VPS13B: variants seen among roughly 807,000 people sequenced by gnomAD.
VPS13B encodes intermembrane lipid transfer protein VPS13B.
A neutral mutation model predicts 426.4 loss-of-function variants in VPS13B; 285 were observed. The ratio of observed to expected loss-of-function variants is 0.67; its 90% CI spans 0.61 to 0.74. The LOEUF (loss-of-function observed/expected upper bound fraction) is 0.74. VPS13B is among the 30% of genes least tolerant of loss of function. VPS13B has a pLI of 0.00. For missense variants in VPS13B, 4,537 were observed against 4,782.6 expected, an observed-to-expected ratio of 0.95 and a Z score of 1.51; for synonymous variants, 1,676 against 1,676.4, an observed-to-expected ratio of 1.00 and a Z score of 0.01.
intron 39 of VPS13B, among the ~76,000 whole-genome samples, chr8:99,746,712 G>A (rs1810106093): frequency 6.6e-6 from 1 of 152,084 alleles, no homozygotes; most frequent in South Asian, 2.1e-4. Context: ...AATTAACCTG[G>A]AAAATATTAA....
chr8:99,624,219 A>T (rs1014070146), intron 33 of VPS13B, among the ~76,000 whole-genome samples: 7 of 151,828 alleles, frequency 4.6e-5, no homozygotes, highest in Non-Finnish European at 1.5e-5. Flanking sequence ...GGTTTAAAGT[A>T]CCATTTTTTC....
rs896548846 is a variant in VPS13B, at chr8:99,418,510, T to G, written c.3083-13027T>G. Among the ~76,000 whole-genome samples, 331 of 142,678 alleles carry G rather than the reference T, an allele frequency of 2.3e-3. 3 individuals carry two copies. Among genetic ancestry groups the G allele is most frequent in the African/African-American group, 8.2e-3 (314 of 38,230 alleles). 93.6% of individuals were successfully genotyped at this position (142,678 alleles called of 152,430 possible). ...TTCTTTCTTTCTTTCTTTCTTTCTT[T>G]CTTTCCTTTCTTTCTTTCTCTTTCT... is the stretch of plus-strand genomic sequence containing the variant. On this transcript the variant is annotated intron_variant, in intron 21 of 61. Transcript: ENST00000357162.
chr8:99,860,054 T>C (rs1432669259), intron 57 of VPS13B, among the ~76,000 whole-genome samples: 1 of 152,166 alleles, frequency 6.6e-6, no homozygotes, highest in East Asian at 1.9e-4. Flanking sequence ...CTTGATGTTA[T>C]TTTGGTCAGG....
intron 17 of VPS13B, among the ~76,000 whole-genome samples, chr8:99,214,863 T>C (rs1198167695): frequency 6.6e-6 from 1 of 152,162 alleles, no homozygotes; most frequent in African/African-American, 2.4e-5. Context: ...AAAACTTAAA[T>C]ATGGACCTAT....
intron 19 of VPS13B, among the ~76,000 whole-genome samples, chr8:99,283,989 A>C (rs1222008712): frequency 6.6e-6 from 1 of 152,196 alleles, no homozygotes; most frequent in East Asian, 1.9e-4. Context: ...ACATACACAC[A>C]CAAGACGAAA....
At chr8:99,635,900 A>G (rs1364156147) in intron 33 of VPS13B, among the ~76,000 whole-genome samples, 2 of 152,098 alleles carry the variant, frequency 1.3e-5, no homozygotes, top group Admixed American at 1.3e-4. Context: ...CCTCTTAACC[A>G]AACTCCAGAG....
At chr8:99,594,016 G>A (rs951170930) in intron 33 of VPS13B, among the ~76,000 whole-genome samples, 39 of 151,812 alleles carry the variant, frequency 2.6e-4, no homozygotes, top group Non-Finnish European at 1.6e-4. Flanking sequence ...AAACCACCAT[G>A]GCACAGATTT....
In VPS13B at chr8:99,559,542, C is replaced by G. The variant is rs540281219; in HGVS notation, c.4949+2889C>G. ...TTCTAGGGTTTTTATGGTTTTAGGT[C>G]TAACATTTAAGTCTTTAATCCATCT... is the stretch of plus-strand genomic sequence containing the variant. On this transcript the variant is annotated intron_variant, in intron 31 of 61. Coordinates refer to ENST00000357162, the MANE Select transcript of VPS13B (RefSeq NM_152564.5). 2.2e-3 allele frequency among the ~76,000 whole-genome samples: 328 copies of G among 152,166 alleles called. 2 individuals are homozygous for G. The highest frequency in any genetic ancestry group is 2.9e-3 in the Non-Finnish European group (195 of 67,992).
intron 21 of VPS13B, among the ~76,000 whole-genome samples, chr8:99,415,764 G>C (rs545098004): frequency 6.6e-6 from 1 of 152,306 alleles, no homozygotes; most frequent in Admixed American, 6.5e-5. Context: ...AGCAAAGATT[G>C]CTGCCTGTTC....
rs972645639 is a variant in VPS13B at position 99,115,693 on chromosome 8, A to G, written c.763-7A>G. 6.2e-7 allele frequency: 1 copy of G among 1,611,764 alleles called. No individual in the cohort carries two copies. Among genetic ancestry groups the G allele is most frequent in the Non-Finnish European group, 8.5e-7 (1 of 1,179,172 alleles). ...TTTGTTGGTGTTATGTCTTTTTCAA[A>G]ATGCAGATTCATACTTTAGTGGAAA... On this transcript the variant is annotated splice_region_variant and splice_polypyrimidine_tract_variant and intron_variant, in intron 6 of 61. Coordinates refer to ENST00000357162, the MANE Select transcript of VPS13B (RefSeq NM_152564.5).
chr8:99,682,846 G>A (rs1278421070), intron 35 of VPS13B, among the ~76,000 whole-genome samples: 1 of 152,146 alleles, frequency 6.6e-6, no homozygotes, highest in Non-Finnish European at 1.5e-5. Context: ...TCCCAGGTAC[G>A]TCCAGAGATG....
chr8:99,610,490 G>C (rs1827796636), intron 33 of VPS13B, among the ~76,000 whole-genome samples: 1 of 151,462 alleles, frequency 6.6e-6, no homozygotes, highest in Non-Finnish European at 1.5e-5. Context: ...CACAGGAACA[G>C]AAAACCAGAC....
intron 33 of VPS13B, among the ~76,000 whole-genome samples, chr8:99,586,499 C>T (rs1826306461): frequency 6.6e-6 from 1 of 152,116 alleles, no homozygotes; most frequent in African/African-American, 2.4e-5. Flanking sequence ...TCTAGTCCTT[C>T]TTAATGAGTC....
chr8:99,829,342 G>T (rs1281360216), intron 51 of VPS13B, among the ~76,000 whole-genome samples: 1 of 152,050 alleles, frequency 6.6e-6, no homozygotes, highest in Non-Finnish European at 1.5e-5. Flanking sequence ...ATTTCATTAA[G>T]TTGGTCTTCG....
At chr8:99,372,857 A>T (rs902051124) in intron 19 of VPS13B, among the ~76,000 whole-genome samples, 4 of 152,232 alleles carry the variant, frequency 2.6e-5, no homozygotes, top group Non-Finnish European at 5.9e-5. Flanking sequence ...ATAAAGACAC[A>T]TGCACACATA....
chr8:99,111,052 C>A, intron 5 of VPS13B, 46 bp from the exon 6 acceptor site: 1 of 1,502,972 alleles, frequency 6.7e-7, no homozygotes, highest in South Asian at 1.3e-5. Flanking sequence ...TTGCCTTTCC[C>A]CTGCTAATTT....
intron 8 of VPS13B, among the ~76,000 whole-genome samples, chr8:99,129,730 T>G (rs1216068631): frequency 2.6e-5 from 4 of 152,184 alleles, no homozygotes; most frequent in African/African-American, 7.2e-5. Context: ...TTTTCCTGTT[T>G]AGTTTTAAAT....
At chr8:99,555,853 C>G (rs1563793634) in intron 30 of VPS13B, among the ~76,000 whole-genome samples, 1 of 152,096 alleles carries the variant, frequency 6.6e-6, no homozygotes, top group Non-Finnish European at 1.5e-5. Context: ...CATCAGAAAC[C>G]TTGTCATTTC....
At chr8:99,815,985 C>T (rs1223444480) in intron 44 of VPS13B, among the ~76,000 whole-genome samples, 1 of 152,144 alleles carries the variant, frequency 6.6e-6, no homozygotes, top group Non-Finnish European at 1.5e-5. Flanking sequence ...GCATACACCA[C>T]CATACCTAGC....
Sources: allele counts gnomAD v4.1 joint callset (sites outside exome capture counted in the v4.1 genomes callset), GRCh38; gene constraint gnomAD v4.1.1; transcripts MANE v1.5; gene names NCBI Gene and HGNC (gene_info 2026-07-23, HGNC 2026-07-21).